Variants in TLCD3B observed in about 807,000 individuals in gnomAD.
The protein encoded by TLCD3B is ceramide synthase.
In TLCD3B, 9 loss-of-function variants were observed where a neutral mutation model predicts 23.0. That is an observed-to-expected ratio of 0.39 (90% CI 0.24 to 0.68). TLCD3B has a LOEUF of 0.68. TLCD3B is among the 30% of genes least tolerant of loss of function. The pLI is 0.44. For missense variants in TLCD3B, 307 were observed against 371.8 expected, an observed-to-expected ratio of 0.83 and a Z score of 1.43; for synonymous variants, 161 against 161.0, an observed-to-expected ratio of 1.00 and a Z score of 0.00.
Position 30,025,517 on chromosome 16 carries a change from C to A in TLCD3B, c.541-50G>T. 1 of 1,602,820 alleles carries A rather than the reference C, an allele frequency of 6.2e-7. No homozygotes were observed. Reference sequence around the variant, plus strand: ...CACGGCAGCAGAAGGGCTCGGCCCCCCTTGGCCCTCTCCCTGCCTCCCTGC... The same window carrying A: ...CACGGCAGCAGAAGGGCTCGGCCCCACTTGGCCCTCTCCCTGCCTCCCTGC... On this transcript the variant is annotated intron_variant, in intron 4 of 4. Coordinates refer to ENST00000380495, the MANE Select transcript of TLCD3B (RefSeq NM_031478.6). This position sits in a 1 kb window ranked among gnomAD's most constrained non-coding sequence, Gnocchi z 4.1.
At chr16:30,032,966 C>T (rs1314854393), upstream of TLCD3B, 1 of 152,230 alleles carries the variant, frequency 6.6e-6, no homozygotes, top group East Asian at 1.9e-4. Context: ...GGTTTCAAAC[C>T]CATGGTTGCA....
intron 1 of TLCD3B, among the ~76,000 whole-genome samples, chr16:30,051,534 A>G (rs897297613): frequency 2.0e-5 from 3 of 151,486 alleles, no homozygotes; most frequent in South Asian, 4.2e-4. Context: ...AAAAAAAAAA[A>G]AAAAAGAAAA....
chr16:30,038,503 G>A (rs1293000581), intron 3 of TLCD3B, among the ~76,000 whole-genome samples: 2 of 152,180 alleles, frequency 1.3e-5, no homozygotes, highest in Non-Finnish European at 2.9e-5. Flanking sequence ...TGTAATCCCA[G>A]CACTTTGGGA....
Position 30,025,075 on chromosome 16 carries a change from G to A in TLCD3B, c.*108C>T, listed in dbSNP as rs538093249. On this transcript the variant is annotated 3_prime_UTR_variant, in exon 5 of 5. Transcript: ENST00000380495. This position sits in a 1 kb window ranked among gnomAD's most constrained non-coding sequence, Gnocchi z 4.1. The stretch of plus-strand genomic sequence containing the variant: ...CCCTTTCGGGGTCATCGTCAGTCCT[G>A]GGGTTGTCCGGGCAAGAGGACCCTG... The A allele has an allele frequency of 2.7e-6, 2 of 730,744 alleles. No homozygotes were observed. The highest frequency in any genetic ancestry group is 3.6e-5 in the African/African-American group (2 of 55,170). 45.3% of individuals were successfully genotyped at this position (730,744 alleles called of 1,614,324 possible).
At chr16:30,038,835 T>C (rs1462830663) in intron 3 of TLCD3B, among the ~76,000 whole-genome samples, 1 of 152,104 alleles carries the variant, frequency 6.6e-6, no homozygotes. Flanking sequence ...TTACTGCACC[T>C]CTGTTTTACA....
At position 30,029,494 on chromosome 16, in the gene TLCD3B, G is replaced by A. The variant is rs2071285949; in HGVS notation, c.147C>T (p.Ala49=). The A allele has an allele frequency of 1.2e-6, 2 of 1,613,978 alleles. No homozygotes were observed. Among genetic ancestry groups the A allele is most frequent in the Non-Finnish European group, 1.7e-6 (2 of 1,179,910 alleles). Residue 49 remains alanine (A), a synonymous_variant, in exon 2 of 5, where the codon GCC becomes GCT. Transcript: ENST00000380495. This position sits in a 1 kb window ranked among gnomAD's most constrained non-coding sequence, Gnocchi z 4.6. ...VSARLVSSVQ[A]IMASTAGYIV... The stretch of plus-strand genomic sequence containing the variant: ...TGTAGCCGGCAGTGGAGGCCATGAT[G>A]GCCTGGACAGAGGACACCAGCCTGG...
chr16:30,034,872 T>C (rs1404467260), upstream of TLCD3B, among the ~76,000 whole-genome samples: 1 of 151,770 alleles, frequency 6.6e-6, no homozygotes, highest in African/African-American at 2.4e-5. Flanking sequence ...AGAAGTTAAA[T>C]GACTCACAAA....
Position 30,049,606 on chromosome 16 carries a change from A to G in TLCD3B, c.-294+3168T>C, listed in dbSNP as rs1303553151. ...GTGAAGTCAGTTTTTCTCTGCCCCC[A>G]GCAAATGTTGTGATGTGGATAGAAG... On this transcript the variant is annotated intron_variant, in intron 1 of 6. Transcript: ENST00000561666. Among the ~76,000 whole-genome samples the G allele has an allele frequency of 8.5e-5, 13 of 152,286 alleles. No individual in the cohort carries two copies. The East Asian group carries it at 2.3e-3, about 27-fold the overall frequency.
At position 30,025,014 on chromosome 16, in the gene TLCD3B, C is replaced by T. The variant is rs2071039218; in HGVS notation, c.*169G>A. On this transcript the variant is annotated 3_prime_UTR_variant, in exon 5 of 5. Coordinates refer to ENST00000380495, the MANE Select transcript of TLCD3B (RefSeq NM_031478.6). The surrounding 1 kb of genome is among the most constrained non-coding windows in gnomAD (Gnocchi z 4.1). ...AGAGTAGGGGGAAGAGGTCCCCTCT[C>T]TCCACCCCCTCAGTCCCCGAGAGAT... is the stretch of plus-strand genomic sequence containing the variant. The T allele has an allele frequency of 1.8e-6, 1 of 550,634 alleles. No homozygotes were observed. The highest frequency in any genetic ancestry group is 3.1e-6 in the Non-Finnish European group (1 of 319,792). 34.1% of individuals were successfully genotyped at this position (550,634 alleles called of 1,614,324 possible).
intron 2 of TLCD3B, among the ~76,000 whole-genome samples, chr16:30,045,092 C>CAAAAAAAAAAAAAAAAAAAAAA (rs1162281544): frequency 4.5e-5 from 1 of 22,226 alleles, no homozygotes; most frequent in Non-Finnish European, 7.4e-5. Context: ...GACTCCATCT[C>CAAAAAAAAAAAAAAAAAAAAAA]AAAAAAAAAA....
In TLCD3B at chr16:30,030,810, G is replaced by A; in HGVS notation, c.-283C>T. On this transcript the variant is annotated 5_prime_UTR_variant, in exon 1 of 5. Coordinates refer to ENST00000380495, the MANE Select transcript of TLCD3B (RefSeq NM_031478.6). ...GATGGGGAGAGGCAAAGAGGGGATG[G>A]CTTGGTGAGGGACAGAGAGGAAGAG... 8.5e-7 allele frequency: 1 copy of A among 1,175,910 alleles called. No homozygotes were observed. The highest frequency in any genetic ancestry group is 1.1e-6 in the Non-Finnish European group (1 of 952,010). The allele number at this position is 1,175,910 out of a possible 1,614,324, so 72.8% of individuals were successfully genotyped here.
In TLCD3B at chr16:30,025,446, G is replaced by A; in HGVS notation, c.562C>T (p.Leu188=). The A allele has an allele frequency of 1.2e-6, 2 of 1,612,578 alleles. No individual in the cohort carries two copies. The highest frequency in any genetic ancestry group is 1.1e-5 in the South Asian group (1 of 90,916). ...ATCAGGGCCCCGTTCACCTTGTGCA[G>A]CAGTGTGTGCTGCTGCTTGTACTGA... ...LIQYKQQHTL[L]HKVNGALMLL... is the part of the protein sequence containing the mutation. The change falls in exon 5 of 5, where the codon CTG becomes TTG. Residue 188 remains leucine, a synonymous_variant. Transcript: ENST00000380495. The surrounding 1 kb of genome is among the most constrained non-coding windows in gnomAD (Gnocchi z 4.1).
Position 30,027,302 on chromosome 16 carries a change from C to T in TLCD3B, c.210-459G>A, listed in dbSNP as rs924684941. 1.6e-4 allele frequency: 62 copies of T among 398,032 alleles called. No individual in the cohort carries two copies. The Middle Eastern group carries it at 2.3e-3, about 15-fold the overall frequency. 24.7% of individuals were successfully genotyped at this position (398,032 alleles called of 1,614,324 possible). A position where few individuals can be genotyped will look rare whatever the true frequency, so the allele number is the denominator to read the frequency against. On this transcript the variant is annotated intron_variant, in intron 2 of 4. Transcript: ENST00000380495. ...GCCCATTCCTGCCTCCTGGGACAGGCGATCTTCCAAACTTCCCATGCATAG... is the reference window on the plus strand; with the variant it reads ...GCCCATTCCTGCCTCCTGGGACAGGTGATCTTCCAAACTTCCCATGCATAG...
Position 30,024,525 on chromosome 16 carries a change from C to G in TLCD3B, c.*658G>C. On this transcript the variant is annotated 3_prime_UTR_variant, in exon 5 of 5. Coordinates refer to ENST00000380495, the MANE Select transcript of TLCD3B (RefSeq NM_031478.6). ...GGAAGCCTTGAGAGGTCAGTAGCAC[C>G]AGGGACATGGCAGGGCCCGAGGGCG... The G allele has an allele frequency of 2.1e-6, 1 of 484,380 alleles. No individual in the cohort carries two copies. Among genetic ancestry groups the G allele is most frequent in the Non-Finnish European group, 3.7e-6 (1 of 271,500 alleles). 30.0% of individuals were successfully genotyped at this position (484,380 alleles called of 1,614,324 possible).
In TLCD3B at chr16:30,029,954, C is replaced by T; in HGVS notation, c.126-439G>A. 8.8e-7 allele frequency: 1 copy of T among 1,134,068 alleles called. No homozygotes were observed. Among genetic ancestry groups the T allele is most frequent in the Non-Finnish European group, 1.2e-6 (1 of 832,234 alleles). The allele number at this position is 1,134,068 out of a possible 1,614,324, so 70.3% of individuals were successfully genotyped here. A position where few individuals can be genotyped will look rare whatever the true frequency, so the allele number is the denominator to read the frequency against. On this transcript the variant is annotated intron_variant, in intron 1 of 4. Coordinates refer to ENST00000380495, the MANE Select transcript of TLCD3B (RefSeq NM_031478.6). This position sits in a 1 kb window ranked among gnomAD's most constrained non-coding sequence, Gnocchi z 4.6. Reference sequence around the variant, plus strand: ...GACCCCGAGTTCCCCAGTCACTTTCCCACTGTCTCCTGACTGCCACCAGCC... The same window carrying T: ...GACCCCGAGTTCCCCAGTCACTTTCTCACTGTCTCCTGACTGCCACCAGCC...
intron 2 of TLCD3B, among the ~76,000 whole-genome samples, chr16:30,042,578 C>T (rs967461282): frequency 1.3e-5 from 2 of 152,084 alleles, no homozygotes; most frequent in Non-Finnish European, 2.9e-5. Context: ...AGGATTAGTT[C>T]CATTTTGCAA....
chr16:30,037,981 C>G (rs909530831), intron 3 of TLCD3B, among the ~76,000 whole-genome samples: 1 of 152,148 alleles, frequency 6.6e-6, no homozygotes, highest in African/African-American at 2.4e-5. Flanking sequence ...CAGCGTTTAA[C>G]TTGGGGAAGG....
At chr16:30,045,123 CA>C (rs1219654623) in intron 2 of TLCD3B, among the ~76,000 whole-genome samples, 1 of 88,238 alleles carries the variant, frequency 1.1e-5, no homozygotes, top group Non-Finnish European at 2.4e-5. Context: ...AAAAAAAGAA[CA>C]AAAAGATAAG....
chr16:30,027,070 G>A, intron 2 of TLCD3B: 1 of 657,946 alleles, frequency 1.5e-6, no homozygotes, highest in South Asian at 1.5e-5. Flanking sequence ...ACTCACCCAT[G>A]TTCCTCTCTC....
Sources: gnomAD v4.1 joint callset for allele counts (sites outside exome capture counted in the v4.1 genomes callset) on GRCh38, gnomAD v4.1.1 for gene constraint, Gnocchi (gnomAD v3.1) non-coding constraint, MANE v1.5 for transcripts, NCBI Gene and HGNC (gene_info 2026-07-23, HGNC 2026-07-21) for gene names.